THSD7A: variants seen among roughly 807,000 people sequenced by gnomAD.
THSD7A encodes thrombospondin type-1 domain-containing protein 7A.
Under a neutral mutation model 231.3 loss-of-function variants are expected in THSD7A, and 96 were observed. That is an observed-to-expected ratio of 0.41 (90% CI 0.35 to 0.49). The LOEUF (loss-of-function observed/expected upper bound fraction) is 0.49, where lower values mean the gene tolerates loss of function less well. THSD7A is among the 20% of genes least tolerant of loss of function. The probability of loss-of-function intolerance (pLI) is 0.05; values close to 1 mark genes in which losing one functional copy is unlikely to be tolerated. For missense variants in THSD7A, 2,290 were observed against 2,070.2 expected (o/e 1.11, Z -2.06); for synonymous variants, 940 against 743.3 (o/e 1.26, Z -4.30).
chr7:11,828,491 T>C (rs972526143), intron 1 of THSD7A, among the ~76,000 whole-genome samples: 2 of 152,206 alleles, frequency 1.3e-5, no homozygotes, highest in South Asian at 2.1e-4. Context: ...GTTCTTATAA[T>C]GTTCTGTTCA....
At chr7:11,603,269 A>G (rs1387539195) in intron 2 of THSD7A, among the ~76,000 whole-genome samples, 2 of 151,276 alleles carry the variant, frequency 1.3e-5, no homozygotes, top group Admixed American at 6.6e-5. Context: ...CAAAAAACAC[A>G]TGAAAAAATG....
At chr7:11,483,546 A>T (rs1261704854) in intron 6 of THSD7A, among the ~76,000 whole-genome samples, 1 of 152,212 alleles carries the variant, frequency 6.6e-6, no homozygotes, top group Non-Finnish European at 1.5e-5. Context: ...AAAAAAATGT[A>T]CTAAACAGAT....
chr7:11,578,337 A>G (rs577729974), intron 4 of THSD7A, among the ~76,000 whole-genome samples: 3 of 152,364 alleles, frequency 2.0e-5, no homozygotes, highest in East Asian at 3.9e-4. Flanking sequence ...AAAGAAAAGC[A>G]TAAGAGATAT....
intron 4 of THSD7A, among the ~76,000 whole-genome samples, chr7:11,574,095 A>C (rs2128335592): frequency 6.6e-6 from 1 of 152,308 alleles, no homozygotes. Flanking sequence ...TTTGTTTCTC[A>C]GGGGAAAATT....
intron 6 of THSD7A, among the ~76,000 whole-genome samples, chr7:11,516,047 A>T (rs1583887497): frequency 6.6e-6 from 1 of 152,188 alleles, no homozygotes; most frequent in East Asian, 1.9e-4. Flanking sequence ...ATCATTTTTA[A>T]AAGTGATTTT....
chr7:11,810,845 C>T (rs1784511244), intron 1 of THSD7A, among the ~76,000 whole-genome samples: 1 of 152,052 alleles, frequency 6.6e-6, no homozygotes. Flanking sequence ...ATGTAGAAAA[C>T]CATTCAGAAA....
chr7:11,711,058 G>A lies in THSD7A; in HGVS notation c.191-74097C>T, dbSNP rs569220854. 2.6e-4 allele frequency among the ~76,000 whole-genome samples: 40 copies of A among 151,046 alleles called. 2 individuals carry two copies. The highest frequency in any genetic ancestry group is 6.8e-3 in the Middle Eastern group (2 of 294). ...GAAAATGCATATTATGTCCTTTGTA[G>A]ATATAGCTTAGGGATATTCCTGATA... On this transcript the variant is annotated intron_variant, in intron 1 of 27. Transcript: ENST00000423059.
chr7:11,695,451 A>G (rs909723355), intron 1 of THSD7A, among the ~76,000 whole-genome samples: 1 of 151,532 alleles, frequency 6.6e-6, no homozygotes. Context: ...TTGAGAAAGA[A>G]AAACAAGCAA....
At chr7:11,448,874 G>T (rs1478518154) in intron 11 of THSD7A, among the ~76,000 whole-genome samples, 3 of 152,076 alleles carry the variant, frequency 2.0e-5, no homozygotes, top group African/African-American at 7.2e-5. Flanking sequence ...GGGCCAGTTT[G>T]TAAGAAAAGA....
intron 1 of THSD7A, among the ~76,000 whole-genome samples, chr7:11,726,673 C>A (rs1484956975): frequency 3.9e-5 from 6 of 151,990 alleles, no homozygotes; most frequent in Non-Finnish European, 8.8e-5. Flanking sequence ...AGGAGAAATG[C>A]AATTTGGGCC....
At chr7:11,545,836 A>G (rs62432856) in intron 4 of THSD7A, among the ~76,000 whole-genome samples, 17,487 of 152,154 alleles carry the variant, frequency 0.11, 2,031 homozygotes, top group African/African-American at 0.3. Flanking sequence ...AGCATGGCCA[A>G]AGATGTCCTT....
At chr7:11,531,966 T>C (rs1788728105) in intron 6 of THSD7A, among the ~76,000 whole-genome samples, 1 of 152,140 alleles carries the variant, frequency 6.6e-6, no homozygotes, top group Admixed American at 6.6e-5. Context: ...CACTATTCCT[T>C]GAGCCTTGTT....
At position 11,375,903 on chromosome 7, in the gene THSD7A, G is replaced by C. The variant is rs367638656; in HGVS notation, c.4890-25C>G. 10 of 1,603,410 alleles carry C rather than the reference G, an allele frequency of 6.2e-6. No homozygotes were observed. The East Asian group carries it at 2.2e-4, about 36-fold the overall frequency. ...GCTGTAAAAAAATTCGGAATTAGGA[G>C]AAAGAAAATCAGTTTCTAATTGTAA... is the stretch of plus-strand genomic sequence containing the variant. On this transcript the variant is annotated intron_variant, in intron 27 of 27. Transcript: ENST00000423059.
intron 23 of THSD7A, among the ~76,000 whole-genome samples, chr7:11,393,721 A>G (rs186182111): frequency 7.4e-4 from 113 of 152,384 alleles, no homozygotes; most frequent in African/African-American, 2.5e-3. Context: ...TGAAGCATAC[A>G]CAAGTATCAA....
intron 1 of THSD7A, among the ~76,000 whole-genome samples, chr7:11,652,029 G>A (rs1782525750): frequency 6.6e-6 from 1 of 151,914 alleles, no homozygotes; most frequent in African/African-American, 2.4e-5. Flanking sequence ...ACATCTAGAA[G>A]CATATTTTAT....
intron 4 of THSD7A, among the ~76,000 whole-genome samples, chr7:11,555,011 T>G (rs1053099560): frequency 1.3e-5 from 2 of 151,944 alleles, no homozygotes; most frequent in African/African-American, 4.8e-5. Flanking sequence ...TTATCACCCT[T>G]GCTAGAGGTT....
At position 11,423,681 on chromosome 7, in the gene THSD7A, T is replaced by C. The variant is rs191193781; in HGVS notation, c.3383+1015A>G. Among the ~76,000 whole-genome samples the C allele has an allele frequency of 7.4e-3, 1,127 of 152,036 alleles. 14 individuals are homozygous for C. Among genetic ancestry groups the C allele is most frequent in the African/African-American group, 0.026 (1,068 of 41,448 alleles). On this transcript the variant is annotated intron_variant, in intron 16 of 27. Coordinates refer to ENST00000423059, the MANE Select transcript of THSD7A (RefSeq NM_015204.3). Reference sequence around the variant, plus strand: ...CTTTCCTGGGTGCCACTGAGAAGGGTTAAAAGAAACCAGTGTATTTAAAAA... The same window carrying C: ...CTTTCCTGGGTGCCACTGAGAAGGGCTAAAAGAAACCAGTGTATTTAAAAA...
intron 9 of THSD7A, among the ~76,000 whole-genome samples, chr7:11,464,829 A>G (rs1160399852): frequency 6.6e-6 from 1 of 152,124 alleles, no homozygotes; most frequent in African/African-American, 2.4e-5. Flanking sequence ...CTATGTTTTT[A>G]CCCATTGGCA....
intron 15 of THSD7A, among the ~76,000 whole-genome samples, chr7:11,426,350 C>T (rs552295361): frequency 1.4e-4 from 21 of 152,238 alleles, no homozygotes; most frequent in African/African-American, 5.1e-4. Context: ...TTCCTTCTCC[C>T]TCTGAAAAGC....
Sources: allele counts gnomAD v4.1 joint callset (sites outside exome capture counted in the v4.1 genomes callset), GRCh38; gene constraint gnomAD v4.1.1; transcripts MANE v1.5; gene names NCBI Gene and HGNC (gene_info 2026-07-23, HGNC 2026-07-21).